Variants in STX18 observed in about 807,000 individuals in gnomAD.
STX18 encodes the protein syntaxin-18.
Under a neutral mutation model 50.1 loss-of-function variants are expected in STX18, and 40 were observed. The ratio of observed to expected loss-of-function variants is 0.80; its 90% CI spans 0.62 to 1.04. The LOEUF (loss-of-function observed/expected upper bound fraction) is 1.04, where lower values mean the gene tolerates loss of function less well. Ranked by LOEUF, STX18 falls within the 50% of genes least tolerant of loss-of-function variation. The pLI, the probability that STX18 is intolerant of heterozygous loss-of-function variation, is 0.00. For synonymous variants in STX18, 158 were observed against 151.8 expected, an observed-to-expected ratio of 1.04 and a Z score of -0.30; for missense variants, 410 against 415.8, an observed-to-expected ratio of 0.99 and a Z score of 0.12.
intron 1 of STX18, among the ~76,000 whole-genome samples, chr4:4,497,372 C>T (rs1219881573): frequency 1.3e-5 from 2 of 152,214 alleles, no homozygotes; most frequent in Non-Finnish European, 2.9e-5. Context: ...TTAATCATCA[C>T]TGACTGATCA....
At chr4:4,516,653 T>G (rs1730281449) in intron 1 of STX18, among the ~76,000 whole-genome samples, 1 of 152,222 alleles carries the variant, frequency 6.6e-6, no homozygotes, top group Non-Finnish European at 1.5e-5. Context: ...CTTAGATACT[T>G]GCAACTGAAT....
At chr4:4,519,885 T>C (rs1244797910) in intron 1 of STX18, among the ~76,000 whole-genome samples, 1 of 152,200 alleles carries the variant, frequency 6.6e-6, no homozygotes, top group Non-Finnish European at 1.5e-5. Flanking sequence ...AGCAGTTTAT[T>C]GCTAAGTCAG....
chr4:4,461,901 C>T (rs1018453651), intron 2 of STX18: 2 of 456,144 alleles, frequency 4.4e-6, no homozygotes, highest in African/African-American at 4.0e-5. Context: ...CTCTCTTTTA[C>T]CTACTTAGAG....
intron 1 of STX18, among the ~76,000 whole-genome samples, chr4:4,508,027 T>C (rs10516165): frequency 0.18 from 27,625 of 152,030 alleles, 2,829 homozygotes; most frequent in East Asian, 0.33. Flanking sequence ...AGTCCAATTA[T>C]AGGATGTTTT....
chr4:4,490,329 C>A (rs1002512009), intron 1 of STX18, among the ~76,000 whole-genome samples: 3 of 152,160 alleles, frequency 2.0e-5, no homozygotes, highest in South Asian at 2.1e-4. Flanking sequence ...TACAGTATTA[C>A]TCTAATAGAA....
chr4:4,434,026 C>G (rs527659413), intron 7 of STX18, among the ~76,000 whole-genome samples: 1 of 152,190 alleles, frequency 6.6e-6, no homozygotes, highest in Non-Finnish European at 1.5e-5. Context: ...AAATGAGAAT[C>G]AAAAAGTTTT....
In STX18 at chr4:4,541,871, C is replaced by A. The variant is rs13134070; in HGVS notation, c.94G>T (p.Asp32Tyr). Reference sequence around the variant, plus strand: ...CGGAACAGCTCGTCCCGGCTGCCATCGACCCCGCCGCCCACCGCCACTCCC... The same window carrying A: ...CGGAACAGCTCGTCCCGGCTGCCATAGACCCCGCCGCCCACCGCCACTCCC... ...ALGVAVGGGV[D>Y]GSRDELFRRS... The change falls in exon 1 of 11, where the codon GAT becomes TAT. Residue 32 changes from aspartate to tyrosine, a missense_variant. Transcript: ENST00000306200. The A allele has an allele frequency of 2.5e-6, 4 of 1,606,546 alleles. No homozygotes were observed. The highest frequency in any genetic ancestry group is 3.3e-5 in the Admixed American group (2 of 59,866).
chr4:4,423,327 C>A (rs1045157939), intron 9 of STX18, among the ~76,000 whole-genome samples, 191 bp downstream of exon 9: 2 of 152,226 alleles, frequency 1.3e-5, no homozygotes, highest in African/African-American at 2.4e-5. Flanking sequence ...TCCTCCATCA[C>A]ACGTGTGCAG....
At chr4:4,450,598 C>G (rs191121199) in intron 5 of STX18, among the ~76,000 whole-genome samples, 4 of 152,352 alleles carry the variant, frequency 2.6e-5, no homozygotes, top group Admixed American at 1.3e-4. Flanking sequence ...GCCACTACAT[C>G]CAGCCTCCTT....
intron 7 of STX18, among the ~76,000 whole-genome samples, chr4:4,427,715 A>T (rs529414539): frequency 6.6e-6 from 1 of 152,168 alleles, no homozygotes; most frequent in East Asian, 1.9e-4. Flanking sequence ...CCCCAATTTG[A>T]GGGCCTGTGG....
chr4:4,490,419 T>C (rs1728893485), intron 1 of STX18, among the ~76,000 whole-genome samples: 1 of 152,210 alleles, frequency 6.6e-6, no homozygotes, highest in Non-Finnish European at 1.5e-5. Flanking sequence ...CTCATAACAA[T>C]GAGATTTAAA....
chr4:4,423,459 T>C (rs530925028), intron 9 of STX18, 59 bp downstream of exon 9: 1 of 1,543,218 alleles, frequency 6.5e-7, no homozygotes, highest in East Asian at 2.2e-5. Flanking sequence ...TGTCTCGTGC[T>C]CTCAAGTACA....
At chr4:4,535,106 G>T (rs1436683229) in intron 1 of STX18, among the ~76,000 whole-genome samples, 1 of 152,144 alleles carries the variant, frequency 6.6e-6, no homozygotes, top group Non-Finnish European at 1.5e-5. Context: ...TGGTGGAATG[G>T]TTTTTCTCCT....
intron 1 of STX18, among the ~76,000 whole-genome samples, chr4:4,506,876 C>A (rs144735418): frequency 4.6e-5 from 7 of 152,264 alleles, no homozygotes; most frequent in African/African-American, 1.7e-4. Context: ...GGATAAAATT[C>A]GAACCACAGT....
At chr4:4,430,126 T>C (rs1429039973) in intron 7 of STX18, among the ~76,000 whole-genome samples, 1 of 152,252 alleles carries the variant, frequency 6.6e-6, no homozygotes, top group Non-Finnish European at 1.5e-5. Flanking sequence ...TATAGGGAAA[T>C]TTATTGTGCA....
rs145208613 is a variant in STX18 at position 4,529,294 on chromosome 4, G to A, written c.168+12503C>T. On this transcript the variant is annotated intron_variant, in intron 1 of 10. Coordinates refer to ENST00000306200, the MANE Select transcript of STX18 (RefSeq NM_016930.4). ...CGAGAATGGAGTGAACCAGGGAGGC[G>A]GAGCTTGCAGTGAATCAAGATCGCG... is the stretch of plus-strand genomic sequence containing the variant. 4.8e-3 allele frequency among the ~76,000 whole-genome samples: 734 copies of A among 152,206 alleles called. 5 individuals carry two copies. The highest frequency in any genetic ancestry group is 0.016 in the African/African-American group (685 of 41,526).
intron 7 of STX18, 27 bp from the exon 8 acceptor site, chr4:4,425,249 T>C: frequency 6.2e-7 from 1 of 1,606,454 alleles, no homozygotes; most frequent in Non-Finnish European, 8.5e-7. Context: ...ACACTCAGGA[T>C]GACATCATAC....
In STX18 at chr4:4,446,326, T is replaced by A. The variant is rs146327822; in HGVS notation, c.498-7817A>T. ...AAGTAAAAATTAATAAAATTCAACT[T>A]CCTCAAAATTAAGCATTTCTGCTCA... On this transcript the variant is annotated intron_variant, in intron 5 of 10. Transcript: ENST00000306200. Among the ~76,000 whole-genome samples, 128 of 152,050 alleles carry A rather than the reference T, an allele frequency of 8.4e-4. 1 individual carries two copies. In the Middle Eastern group the frequency reaches 0.014, roughly 16 times the overall value.
chr4:4,535,945 A>C (rs1731309459), intron 1 of STX18, among the ~76,000 whole-genome samples: 1 of 152,246 alleles, frequency 6.6e-6, no homozygotes, highest in African/African-American at 2.4e-5. Context: ...ACACTGGCAC[A>C]GAAAGTCAAC....
Sources: allele counts gnomAD v4.1 joint callset (sites outside exome capture counted in the v4.1 genomes callset), GRCh38; gene constraint gnomAD v4.1.1; transcripts MANE v1.5; gene names NCBI Gene and HGNC (gene_info 2026-07-23, HGNC 2026-07-21).